The following GPATCH2 variants were observed in gnomAD, a reference collection of about 807,000 sequenced individuals.
The protein encoded by GPATCH2 is G patch domain-containing protein 2.
Under a neutral mutation model 58.0 loss-of-function variants are expected in GPATCH2, and 51 were observed. The observed-to-expected ratio is 0.88, with a 90% CI of 0.70 to 1.11. The LOEUF (loss-of-function observed/expected upper bound fraction) is 1.11, where lower values mean the gene tolerates loss of function less well. GPATCH2 is among the 50% of genes most tolerant of loss of function. The pLI, the probability that GPATCH2 is intolerant of heterozygous loss-of-function variation, is 0.00. For missense variants in GPATCH2, 625 were observed against 652.2 expected, an observed-to-expected ratio of 0.96 and a Z score of 0.45; for synonymous variants, 222 against 218.5, an observed-to-expected ratio of 1.02 and a Z score of -0.14.
intron 5 of GPATCH2, among the ~76,000 whole-genome samples, chr1:217,575,508 A>G (rs1343746440): frequency 1.3e-5 from 2 of 152,156 alleles, no homozygotes; most frequent in African/African-American, 4.8e-5. Context: ...GATTTAAAAT[A>G]CAACTGATGT....
chr1:217,612,498 G>A (rs1668682253), intron 3 of GPATCH2, among the ~76,000 whole-genome samples: 1 of 152,038 alleles, frequency 6.6e-6, no homozygotes. Flanking sequence ...TCAAAAATTA[G>A]AGTCATCAGC....
At chr1:217,581,166 G>C (rs961176969) in intron 5 of GPATCH2, among the ~76,000 whole-genome samples, 3 of 152,206 alleles carry the variant, frequency 2.0e-5, no homozygotes, top group Non-Finnish European at 4.4e-5. Flanking sequence ...ACACTTGGTG[G>C]AAAGGATTTC....
chr1:217,524,861 AG>A (rs1558458007), intron 5 of GPATCH2, among the ~76,000 whole-genome samples: 2 of 3,964 alleles, frequency 5.0e-4, no homozygotes, highest in African/African-American at 6.7e-4. Context: ...GAGAGGGGAG[AG>A]GGGAGAGGGG....
intron 8 of GPATCH2, among the ~76,000 whole-genome samples, chr1:217,452,666 C>G (rs1476721223): frequency 6.6e-6 from 1 of 152,160 alleles, no homozygotes; most frequent in Non-Finnish European, 1.5e-5. Flanking sequence ...ACTCCCTCTT[C>G]TAAACCTTTT....
chr1:217,469,594 GGAAAT>G (rs1364439736), intron 8 of GPATCH2, among the ~76,000 whole-genome samples: 3 of 151,892 alleles, frequency 2.0e-5, no homozygotes, highest in African/African-American at 4.8e-5. Flanking sequence ...GTAATTGAAA[GGAAAT>G]GAAAATTATC....
At chr1:217,579,162 A>C (rs531724394) in intron 5 of GPATCH2, among the ~76,000 whole-genome samples, 1 of 152,318 alleles carries the variant, frequency 6.6e-6, no homozygotes, top group South Asian at 2.1e-4. Flanking sequence ...GATGCAAAGA[A>C]ATACAGCTTA....
intron 3 of GPATCH2, among the ~76,000 whole-genome samples, chr1:217,613,918 C>T (rs938942064): frequency 1.3e-5 from 2 of 152,130 alleles, no homozygotes; most frequent in Non-Finnish European, 2.9e-5. Context: ...ATATTATTAG[C>T]TCCACATACT....
At chr1:217,599,035 C>T (rs77522389) in intron 5 of GPATCH2, among the ~76,000 whole-genome samples, 1 of 151,930 alleles carries the variant, frequency 6.6e-6, no homozygotes, top group East Asian at 1.9e-4. Context: ...CTGAAGGACA[C>T]GAATCTAGCA....
At chr1:217,621,962 C>T (rs1384254809) in intron 1 of GPATCH2, among the ~76,000 whole-genome samples, 1 of 152,122 alleles carries the variant, frequency 6.6e-6, no homozygotes, top group Non-Finnish European at 1.5e-5. Flanking sequence ...ACACAAAGGC[C>T]GAAAGATCTC....
At chr1:217,444,475 C>T (rs1002367920) in intron 9 of GPATCH2, among the ~76,000 whole-genome samples, 11 of 152,098 alleles carry the variant, frequency 7.2e-5, no homozygotes, top group Non-Finnish European at 1.6e-4. Flanking sequence ...TTCAGGTGTT[C>T]GGTAGTTTAA....
In GPATCH2 at chr1:217,630,986, A is replaced by G. The variant is rs1669733443; in HGVS notation, c.-15T>C. On this transcript the variant is annotated 5_prime_UTR_variant, in exon 1 of 10. Transcript: ENST00000366935. ...GCCCCGAACATTAACGACACCCGGG[A>G]GCCTGGCCTCGAAGCTCAGGCCCGT... is the stretch of plus-strand genomic sequence containing the variant. 1.3e-6 allele frequency: 2 copies of G among 1,581,314 alleles called. No homozygotes were observed. The highest frequency in any genetic ancestry group is 1.7e-6 in the Non-Finnish European group (2 of 1,168,644).
chr1:217,463,743 C>A (rs1660311923), intron 8 of GPATCH2, among the ~76,000 whole-genome samples: 1 of 150,292 alleles, frequency 6.7e-6, no homozygotes, highest in Non-Finnish European at 1.5e-5. Context: ...TAGCTTGAGC[C>A]CAGGAGTTCA....
At chr1:217,522,640 A>G (rs1185826025) in intron 5 of GPATCH2, among the ~76,000 whole-genome samples, 1 of 152,258 alleles carries the variant, frequency 6.6e-6, no homozygotes, top group African/African-American at 2.4e-5. Flanking sequence ...CAAAATGTAT[A>G]TAAGATGGTG....
intron 2 of GPATCH2, 89 bp from the exon 3 acceptor site, chr1:217,614,291 G>A: frequency 2.7e-6 from 2 of 738,984 alleles, no homozygotes; most frequent in Non-Finnish European, 4.8e-6. Context: ...GCTCAGAGAT[G>A]GAACTTAAGC....
intron 1 of GPATCH2, among the ~76,000 whole-genome samples, chr1:217,628,840 T>A (rs1371951931): frequency 1.3e-5 from 2 of 152,026 alleles, no homozygotes; most frequent in African/African-American, 4.8e-5. Context: ...GGTTAACAAA[T>A]TTGGGCATCT....
intron 4 of GPATCH2, 88 bp from the exon 5 acceptor site, chr1:217,610,488 A>T: frequency 1.2e-6 from 1 of 804,834 alleles, no homozygotes. Context: ...GAGAAAGAAA[A>T]GTAAGTTGGT....
At chr1:217,473,850 C>T (rs931323338) in intron 8 of GPATCH2, among the ~76,000 whole-genome samples, 1 of 152,120 alleles carries the variant, frequency 6.6e-6, no homozygotes, top group African/African-American at 2.4e-5. Context: ...CTATCTGACA[C>T]ATCTACTTTA....
intron 5 of GPATCH2, among the ~76,000 whole-genome samples, chr1:217,566,862 TAAC>T (rs745527388): frequency 5.9e-5 from 9 of 152,194 alleles, no homozygotes; most frequent in Non-Finnish European, 1.0e-4. Flanking sequence ...GTTTTACTCT[TAAC>T]AAACTTCACA....
At chr1:217,565,448 C>G (rs1475983152) in intron 5 of GPATCH2, among the ~76,000 whole-genome samples, 2 of 152,102 alleles carry the variant, frequency 1.3e-5, no homozygotes, top group Non-Finnish European at 2.9e-5. Context: ...AAAAACAATA[C>G]TTTCCAGGAG....
Sources: gnomAD v4.1 joint callset for allele counts (sites outside exome capture counted in the v4.1 genomes callset) on GRCh38, gnomAD v4.1.1 for gene constraint, MANE v1.5 for transcripts, NCBI Gene and HGNC (gene_info 2026-07-23, HGNC 2026-07-21) for gene names.